Variants in CDK19 observed in about 807,000 individuals in gnomAD.
The protein encoded by CDK19 is cyclin-dependent kinase 19.
CDK19 carries 20 observed loss-of-function variants against 68.3 expected under a neutral mutation model. That is an observed-to-expected ratio of 0.29 (90% CI 0.21 to 0.43). CDK19 has a LOEUF of 0.43. CDK19 is among the 20% of genes least tolerant of loss of function. The probability of loss-of-function intolerance (pLI) is 1.00; values close to 1 mark genes in which losing one functional copy is unlikely to be tolerated. For synonymous variants in CDK19, 221 were observed against 222.8 expected (o/e 0.99, Z 0.07); for missense variants, 339 against 623.5 (o/e 0.54, Z 4.86).
At chr6:110,644,205 T>C (rs1052759272) in intron 4 of CDK19, among the ~76,000 whole-genome samples, 1 of 151,704 alleles carries the variant, frequency 6.6e-6, no homozygotes, top group Non-Finnish European at 1.5e-5. Flanking sequence ...GGCAGGAGAA[T>C]TGCTTTAACC....
At chr6:110,735,329 C>T (rs1777167112) in intron 2 of CDK19, among the ~76,000 whole-genome samples, 2 of 151,978 alleles carry the variant, frequency 1.3e-5, no homozygotes, top group Admixed American at 1.3e-4. Flanking sequence ...AAAACTTTAT[C>T]AAAACAAATA....
chr6:110,708,694 C>T (rs1236976802), intron 2 of CDK19, among the ~76,000 whole-genome samples: 11 of 152,236 alleles, frequency 7.2e-5, no homozygotes, highest in African/African-American at 2.6e-4. Flanking sequence ...TGAGTGAAAA[C>T]TTTTTTTAAT....
intron 1 of CDK19, among the ~76,000 whole-genome samples, chr6:110,762,554 G>A (rs573245621): frequency 7.9e-5 from 12 of 152,146 alleles, no homozygotes; most frequent in South Asian, 4.1e-4. Context: ...TCATATTATC[G>A]TTTTTGCACC....
chr6:110,815,334 CTCT>C lies in CDK19; in HGVS notation c.-201_-199del. The C allele has an allele frequency of 2.1e-6, 1 of 465,512 alleles. No homozygotes were observed. Among genetic ancestry groups the C allele is most frequent in the Non-Finnish European group, 3.5e-6 (1 of 281,734 alleles). 28.8% of individuals were successfully genotyped at this position (465,512 alleles called of 1,614,324 possible). On this transcript the variant is annotated 5_prime_UTR_variant, in exon 1 of 13. Coordinates refer to ENST00000368911, the MANE Select transcript of CDK19 (RefSeq NM_015076.5). ...CGGCCACAGCAGCCACCTCCTCCAC[CTCT>C]TCCTCCTCCTCCTCCGCGACGGCGG...
At chr6:110,668,412 A>C (rs1379608239) in intron 3 of CDK19, among the ~76,000 whole-genome samples, 2 of 152,254 alleles carry the variant, frequency 1.3e-5, no homozygotes, top group Admixed American at 6.5e-5. Flanking sequence ...ATTTTTATAA[A>C]CTGTTCAGTA....
intron 2 of CDK19, among the ~76,000 whole-genome samples, chr6:110,694,136 C>T (rs1230682358): frequency 1.3e-5 from 2 of 148,910 alleles, no homozygotes; most frequent in Non-Finnish European, 3.0e-5. Context: ...AACAGTAACT[C>T]ACATCTCCAT....
At chr6:110,693,217 G>A (rs971607907) in intron 2 of CDK19, among the ~76,000 whole-genome samples, 4 of 152,256 alleles carry the variant, frequency 2.6e-5, no homozygotes, top group Non-Finnish European at 2.9e-5. Context: ...AAAACTGAAA[G>A]AATTCACAGA....
At chr6:110,739,935 T>TA (rs1184283902) in intron 2 of CDK19, among the ~76,000 whole-genome samples, 1 of 151,950 alleles carries the variant, frequency 6.6e-6, no homozygotes, top group Non-Finnish European at 1.5e-5. Flanking sequence ...CCACCACACC[T>TA]AGACTCAAGG....
chr6:110,617,457 T>A (rs1473476661), intron 12 of CDK19, among the ~76,000 whole-genome samples: 1 of 151,904 alleles, frequency 6.6e-6, no homozygotes, highest in Non-Finnish European at 1.5e-5. Context: ...TCTACATGGC[T>A]GTCTACACTT....
chr6:110,640,716 C>A (rs62420292), intron 4 of CDK19, among the ~76,000 whole-genome samples: 2 of 151,962 alleles, frequency 1.3e-5, no homozygotes, highest in African/African-American at 4.8e-5. Flanking sequence ...TTTGGGAAGT[C>A]GAAGCAGGAG....
chr6:110,743,323 C>T (rs962237077), intron 2 of CDK19, among the ~76,000 whole-genome samples: 1 of 152,032 alleles, frequency 6.6e-6, no homozygotes, highest in African/African-American at 2.4e-5. Flanking sequence ...TTCTAAAGTT[C>T]TATTAGGCAA....
intron 1 of CDK19, among the ~76,000 whole-genome samples, chr6:110,778,837 T>C (rs1054944101): frequency 6.6e-6 from 1 of 152,184 alleles, no homozygotes; most frequent in Non-Finnish European, 1.5e-5. Flanking sequence ...AAAGGGAACT[T>C]AGCTAGAAGT....
At position 110,811,285 on chromosome 6, in the gene CDK19, A is replaced by G. The variant is rs180892695; in HGVS notation, c.128+3724T>C. 6.6e-5 allele frequency among the ~76,000 whole-genome samples: 10 copies of G among 152,360 alleles called. 1 individual carries two copies. Among genetic ancestry groups the G allele is most frequent in the Admixed American group, 5.9e-4 (9 of 15,306 alleles). Reference sequence around the variant, plus strand: ...AAATACTATTGTACCTATTAGCTATATGCATCTACATGTACTCATTGTGAA... The same window carrying G: ...AAATACTATTGTACCTATTAGCTATGTGCATCTACATGTACTCATTGTGAA... On this transcript the variant is annotated intron_variant, in intron 1 of 12. Coordinates refer to ENST00000368911, the MANE Select transcript of CDK19 (RefSeq NM_015076.5).
intron 2 of CDK19, among the ~76,000 whole-genome samples, chr6:110,695,430 C>T (rs1438388893): frequency 6.6e-6 from 1 of 152,094 alleles, no homozygotes; most frequent in Non-Finnish European, 1.5e-5. Flanking sequence ...AACCTAAAGT[C>T]ACACCTCAAG....
intron 12 of CDK19, among the ~76,000 whole-genome samples, chr6:110,614,969 G>C (rs903095881): frequency 2.0e-5 from 3 of 152,136 alleles, no homozygotes; most frequent in African/African-American, 7.2e-5. Flanking sequence ...TTCCAATTCT[G>C]GGGTGTAACA....
chr6:110,668,840 A>C (rs1160044850), intron 3 of CDK19, among the ~76,000 whole-genome samples: 1 of 152,138 alleles, frequency 6.6e-6, no homozygotes, highest in Non-Finnish European at 1.5e-5. Context: ...TTCAAAAAAA[A>C]AAAAAAAGAA....
chr6:110,814,543 G>A (rs970877798), intron 1 of CDK19: 1 of 454,988 alleles, frequency 2.2e-6, no homozygotes, highest in Admixed American at 2.4e-5. Context: ...GCGTTCGCCC[G>A]ACAGGCTCCC....
chr6:110,614,787 A>G, intron 12 of CDK19, 121 bp from the exon 13 acceptor site: 1 of 903,320 alleles, frequency 1.1e-6, no homozygotes, highest in Non-Finnish European at 1.7e-6. Context: ...AGACACACAT[A>G]GCTGACAGCT....
intron 12 of CDK19, among the ~76,000 whole-genome samples, chr6:110,615,049 A>C (rs56223862): frequency 0.018 from 2,808 of 152,338 alleles, 39 homozygotes; most frequent in Non-Finnish European, 0.031. Context: ...TAGTATTCAT[A>C]ATGTATACTG....
Sources: allele counts gnomAD v4.1 joint callset (sites outside exome capture counted in the v4.1 genomes callset), GRCh38; gene constraint gnomAD v4.1.1; transcripts MANE v1.5; gene names NCBI Gene and HGNC (gene_info 2026-07-23, HGNC 2026-07-21).